Variants in ZNF69 observed in about 807,000 individuals in gnomAD.
ZNF69 encodes zinc finger protein 69.
In ZNF69, 47 loss-of-function variants were observed where a neutral mutation model predicts 50.9. The ratio of observed to expected loss-of-function variants is 0.92; its 90% CI spans 0.73 to 1.18. The LOEUF (loss-of-function observed/expected upper bound fraction) is 1.18, where lower values mean the gene tolerates loss of function less well. Among genes scored for constraint, ZNF69 ranks in the 50% most tolerant of loss-of-function variants. ZNF69 has a pLI of 0.00. For synonymous variants in ZNF69, 216 were observed against 223.1 expected, an observed-to-expected ratio of 0.97 and a Z score of 0.29; for missense variants, 717 against 675.1, an observed-to-expected ratio of 1.06 and a Z score of -0.69.
chr19:11,893,182 G>A (rs1977137863), intron 1 of ZNF69, among the ~76,000 whole-genome samples: 1 of 152,116 alleles, frequency 6.6e-6, no homozygotes, highest in South Asian at 2.1e-4. Context: ...GTTAATTGGT[G>A]GATTCTGCCT....
At chr19:11,947,647 G>A in the ZNF69 span, 2 of 1,338,392 alleles carry the variant, frequency 1.5e-6, no homozygotes, top group African/African-American at 1.5e-5. Context: ...TTGAAGAGAA[G>A]TAAAACAAAG....
At chr19:11,955,850 T>G in the ZNF69 span, among the ~76,000 whole-genome samples, 1 of 152,238 alleles carries the variant, frequency 6.6e-6, no homozygotes, top group Non-Finnish European at 1.5e-5. Context: ...TGTTGTGATA[T>G]GTTTATATTC....
At chr19:11,949,338 G>A in the ZNF69 span, 1 of 1,613,358 alleles carries the variant, frequency 6.2e-7, no homozygotes, top group East Asian at 2.2e-5. Flanking sequence ...TGCACGGTGG[G>A]ACTCACACTG....
At chr19:11,943,805 C>T in the ZNF69 span, among the ~76,000 whole-genome samples, 6 of 152,196 alleles carry the variant, frequency 3.9e-5, no homozygotes, top group Admixed American at 1.3e-4. Flanking sequence ...TTCTACAAGT[C>T]CAAATTTTAA....
chr19:11,937,960 G>A, the ZNF69 span, among the ~76,000 whole-genome samples: 1 of 152,206 alleles, frequency 6.6e-6, no homozygotes, highest in Non-Finnish European at 1.5e-5. Flanking sequence ...ACCTTGAACA[G>A]TAGGATATAA....
the ZNF69 span, among the ~76,000 whole-genome samples, chr19:11,923,539 C>A: frequency 6.6e-6 from 1 of 152,168 alleles, no homozygotes. Context: ...CTCCCTCCAC[C>A]TATCCACATC....
chr19:11,935,441 T>G, the ZNF69 span, among the ~76,000 whole-genome samples: 3 of 151,838 alleles, frequency 2.0e-5, no homozygotes, highest in Non-Finnish European at 4.4e-5. Flanking sequence ...TTCACCATGT[T>G]AGGCTGATCT....
At chr19:11,960,601 GTTTTT>G in the ZNF69 span, among the ~76,000 whole-genome samples, 1 of 143,444 alleles carries the variant, frequency 7.0e-6, no homozygotes, top group African/African-American at 2.5e-5. Context: ...GCAATGAGCG[GTTTTT>G]TTTTTTTTTT....
chr19:11,976,861 C>T, the ZNF69 span: 5 of 1,454,572 alleles, frequency 3.4e-6, no homozygotes, highest in African/African-American at 1.4e-5. Flanking sequence ...AAATCCATCT[C>T]AAAACAACAA....
intron 4 of ZNF69, among the ~76,000 whole-genome samples, chr19:11,912,512 A>T (rs1256629557): frequency 1.3e-5 from 2 of 152,334 alleles, no homozygotes; most frequent in East Asian, 3.9e-4. Context: ...AAGAATTCAC[A>T]CTGGGGAGAA....
downstream of ZNF69, chr19:11,914,345 G>A (rs1386611822): frequency 3.9e-5 from 6 of 152,112 alleles, no homozygotes; most frequent in African/African-American, 1.2e-4. Context: ...TGGACTTGTG[G>A]TGAGGGGAGG....
At chr19:11,896,455 G>T (rs1327588845) in intron 1 of ZNF69, among the ~76,000 whole-genome samples, 2 of 152,144 alleles carry the variant, frequency 1.3e-5, no homozygotes, top group Middle Eastern at 3.4e-3. Context: ...AGTTCTTGAG[G>T]TTGTGAAGTC....
chr19:11,970,019 G>A, the ZNF69 span, among the ~76,000 whole-genome samples: 1 of 152,192 alleles, frequency 6.6e-6, no homozygotes, highest in Non-Finnish European at 1.5e-5. Flanking sequence ...GTGCCTTAGG[G>A]GAGTGGGACC....
At chr19:11,916,856 A>T (rs1256170177), downstream of ZNF69, among the ~76,000 whole-genome samples, 1 of 151,964 alleles carries the variant, frequency 6.6e-6, no homozygotes, top group Non-Finnish European at 1.5e-5. Context: ...AACACAAAGG[A>T]TGGGGGATTT....
At chr19:11,950,330 T>A in the ZNF69 span, 58 of 1,458,156 alleles carry the variant, frequency 4.0e-5, no homozygotes, top group Non-Finnish European at 5.4e-5. Context: ...GGCAAAACTT[T>A]CACATTTTCC....
At chr19:11,903,757 C>T (rs908289430) in intron 2 of ZNF69, 58 bp downstream of exon 2, 3 of 1,607,620 alleles carry the variant, frequency 1.9e-6, no homozygotes, top group Non-Finnish European at 2.5e-6. Context: ...TCTAGCTCAT[C>T]AATGCTGTTG....
intron 1 of ZNF69, among the ~76,000 whole-genome samples, chr19:11,898,668 C>T (rs904212555): frequency 3.3e-5 from 5 of 152,088 alleles, no homozygotes; most frequent in African/African-American, 9.7e-5. Flanking sequence ...GGATTACAGG[C>T]GTGAGCCACC....
the ZNF69 span, among the ~76,000 whole-genome samples, chr19:11,930,239 A>G: frequency 1.3e-5 from 2 of 148,566 alleles, no homozygotes; most frequent in African/African-American, 2.6e-5. Context: ...GGATGTTGCT[A>G]TTGAGGAAAA....
At chr19:11,943,758 C>T in the ZNF69 span, among the ~76,000 whole-genome samples, 1 of 152,192 alleles carries the variant, frequency 6.6e-6, no homozygotes, top group Non-Finnish European at 1.5e-5. Context: ...ACACTGGGAA[C>T]AATCTTCCAT....
Sources: allele counts gnomAD v4.1 joint callset (sites outside exome capture counted in the v4.1 genomes callset), GRCh38; gene constraint gnomAD v4.1.1; transcripts MANE v1.5; gene names NCBI Gene and HGNC (gene_info 2026-07-23, HGNC 2026-07-21).